The following PDZRN4 variants were observed in gnomAD, a reference collection of about 807,000 sequenced individuals.
PDZRN4 encodes the protein PDZ domain containing ring finger 4.
Under a neutral mutation model 99.0 loss-of-function variants are expected in PDZRN4, and 70 were observed. The ratio of observed to expected loss-of-function variants is 0.71; its 90% confidence interval spans 0.58 to 0.86. The LOEUF is 0.86. Ranked by LOEUF, PDZRN4 falls within the 40% of genes least tolerant of loss-of-function variation. The probability of loss-of-function intolerance (pLI) is 0.00; values close to 1 mark genes in which losing one functional copy is unlikely to be tolerated. For missense variants in PDZRN4, 1,474 were observed against 1,331.2 expected (o/e 1.11, Z -1.67); for synonymous variants, 551 against 501.6 (o/e 1.10, Z -1.32).
intron 3 of PDZRN4, among the ~76,000 whole-genome samples, chr12:41,229,525 C>G (rs772368484): frequency 6.6e-6 from 1 of 152,040 alleles, no homozygotes; most frequent in Non-Finnish European, 1.5e-5. Context: ...AGACCCCACT[C>G]CCTCAGTCCA....
At chr12:41,368,208 C>G (rs185283227) in intron 3 of PDZRN4, among the ~76,000 whole-genome samples, 16 of 152,170 alleles carry the variant, frequency 1.1e-4, no homozygotes, top group Admixed American at 1.0e-3. Flanking sequence ...GAAAATAGGA[C>G]CTGCACAATT....
At chr12:41,510,562 C>T (rs1438940280) in intron 5 of PDZRN4, among the ~76,000 whole-genome samples, 1 of 152,080 alleles carries the variant, frequency 6.6e-6, no homozygotes, top group Non-Finnish European at 1.5e-5. Flanking sequence ...CTTCTGCAGC[C>T]TGAATATCTT....
chr12:41,557,574 T>C (rs1288985011), intron 7 of PDZRN4, among the ~76,000 whole-genome samples: 2 of 152,198 alleles, frequency 1.3e-5, no homozygotes, highest in Non-Finnish European at 2.9e-5. Flanking sequence ...CCTGGGCACA[T>C]GTCCTGCCCA....
chr12:41,188,721 G>A lies in PDZRN4; in HGVS notation c.266G>A (p.Gly89Asp). 2 of 1,557,276 alleles carry A rather than the reference G, an allele frequency of 1.3e-6. No individual in the cohort carries two copies. The highest frequency in any genetic ancestry group is 1.2e-5 in the South Asian group (1 of 85,132). The part of the protein sequence containing the change: ...VQCDYRARGC[G>D]HSVRLHELEA... ...TGCGACTACCGCGCCCGCGGCTGCGGCCACTCGGTCAGGCTGCACGAGCTG... is the reference window on the plus strand; with the variant it reads ...TGCGACTACCGCGCCCGCGGCTGCGACCACTCGGTCAGGCTGCACGAGCTG... Residue 89 changes from glycine (G) to aspartate (D), a missense_variant, in exon 1 of 10, where the codon GGC (glycine) becomes GAC (aspartate). Physicochemically the swap from Gly to Asp is moderately conservative, Grantham distance 94 (BLOSUM62 -1). Coordinates refer to ENST00000402685, the MANE Select transcript of PDZRN4 (RefSeq NM_001164595.2).
intron 3 of PDZRN4, among the ~76,000 whole-genome samples, chr12:41,504,342 G>C (rs1406727431): frequency 6.6e-6 from 1 of 152,046 alleles, no homozygotes; most frequent in Non-Finnish European, 1.5e-5. Flanking sequence ...TTTCAGAGAG[G>C]GAAGGGTGTG....
At chr12:41,546,632 A>C (rs1417666314) in intron 5 of PDZRN4, among the ~76,000 whole-genome samples, 3 of 152,074 alleles carry the variant, frequency 2.0e-5, no homozygotes, top group Non-Finnish European at 4.4e-5. Flanking sequence ...ACTTTTTAAA[A>C]ATAAAGGTTA....
rs190395604 is a variant in PDZRN4, at chr12:41,258,361, G to A, written c.843+64173G>A. 3.1e-3 allele frequency among the ~76,000 whole-genome samples: 475 copies of A among 152,088 alleles called. 1 individual carries two copies. The highest frequency in any genetic ancestry group is 0.01 in the African/African-American group (432 of 41,498). On this transcript the variant is annotated intron_variant, in intron 3 of 9. Transcript: ENST00000402685. ...AGAAGGAGGGAGGAAAGGAGAGAACGAGAGAGAGAGGAGGTAGAAAGAGTG... is the reference window on the plus strand; with the variant it reads ...AGAAGGAGGGAGGAAAGGAGAGAACAAGAGAGAGAGGAGGTAGAAAGAGTG...
chr12:41,396,818 A>T (rs1196178173), intron 3 of PDZRN4, among the ~76,000 whole-genome samples: 1 of 152,204 alleles, frequency 6.6e-6, no homozygotes, highest in Non-Finnish European at 1.5e-5. Context: ...GAAGAATCAT[A>T]TTGAAAAGTA....
chr12:41,496,885 G>A (rs542523469), intron 3 of PDZRN4, among the ~76,000 whole-genome samples: 1 of 152,172 alleles, frequency 6.6e-6, no homozygotes, highest in East Asian at 1.9e-4. Context: ...ATCATTCAGT[G>A]CGTTTTGTAC....
At chr12:41,239,590 A>T (rs1384054272) in intron 3 of PDZRN4, among the ~76,000 whole-genome samples, 1 of 152,224 alleles carries the variant, frequency 6.6e-6, no homozygotes, top group Non-Finnish European at 1.5e-5. Context: ...TCATTTACCA[A>T]ATATTAGCTG....
intron 3 of PDZRN4, among the ~76,000 whole-genome samples, chr12:41,494,347 T>A (rs1937951021): frequency 6.6e-6 from 1 of 152,120 alleles, no homozygotes; most frequent in African/African-American, 2.4e-5. Context: ...TTGCTTAAGT[T>A]ATTTAGTTTT....
chr12:41,483,641 A>G (rs532106632), intron 3 of PDZRN4, among the ~76,000 whole-genome samples: 7 of 152,320 alleles, frequency 4.6e-5, no homozygotes, highest in Non-Finnish European at 1.0e-4. Context: ...TCACAAGAAC[A>G]TAGACTAAAT....
At chr12:41,268,904 G>A (rs1174936673) in intron 3 of PDZRN4, among the ~76,000 whole-genome samples, 1 of 152,116 alleles carries the variant, frequency 6.6e-6, no homozygotes, top group South Asian at 2.1e-4. Context: ...TGAAACTAAG[G>A]GATTTCATTT....
intron 3 of PDZRN4, among the ~76,000 whole-genome samples, chr12:41,499,798 G>A (rs1208649045): frequency 1.3e-5 from 2 of 152,018 alleles, no homozygotes; most frequent in African/African-American, 2.4e-5. Context: ...CTCTGTAGAA[G>A]GGATCAGAAG....
At chr12:41,456,270 C>A (rs1264784173) in intron 3 of PDZRN4, among the ~76,000 whole-genome samples, 1 of 152,150 alleles carries the variant, frequency 6.6e-6, no homozygotes. Flanking sequence ...CAGTTGGAAC[C>A]AATTTCCCTC....
chr12:41,345,932 A>G (rs1951850406), intron 3 of PDZRN4, among the ~76,000 whole-genome samples: 3 of 152,150 alleles, frequency 2.0e-5, no homozygotes, highest in Non-Finnish European at 4.4e-5. Flanking sequence ...CATGTATATT[A>G]TTACCAATAA....
chr12:41,371,934 CTT>C (rs1952045313), intron 3 of PDZRN4, among the ~76,000 whole-genome samples: 1 of 152,112 alleles, frequency 6.6e-6, no homozygotes, highest in Admixed American at 6.6e-5. Flanking sequence ...CTTCAGTACA[CTT>C]TCCCTAGTTT....
At chr12:41,348,389 C>T (rs1951869104) in intron 3 of PDZRN4, among the ~76,000 whole-genome samples, 1 of 151,950 alleles carries the variant, frequency 6.6e-6, no homozygotes, top group South Asian at 2.1e-4. Context: ...GAATATTTTG[C>T]TGATTATGCA....
intron 3 of PDZRN4, 34 bp from the exon 4 acceptor site, chr12:41,506,422 C>T (rs751527302): frequency 6.4e-7 from 1 of 1,560,306 alleles, no homozygotes; most frequent in South Asian, 1.2e-5. Flanking sequence ...CTGATCTTTC[C>T]TCTGAGATGA....
Sources: allele counts gnomAD v4.1 joint callset (sites outside exome capture counted in the v4.1 genomes callset), GRCh38; gene constraint gnomAD v4.1.1; transcripts MANE v1.5; gene names NCBI Gene and HGNC (gene_info 2026-07-23, HGNC 2026-07-21).